The following MIPEP variants were observed in gnomAD, a reference collection of about 807,000 sequenced individuals.
The protein encoded by MIPEP is mitochondrial intermediate peptidase.
In MIPEP, 79 loss-of-function variants were observed where a neutral mutation model predicts 90.3. The ratio of observed to expected loss-of-function variants is 0.87; its 90% CI spans 0.73 to 1.05. The LOEUF is 1.05. Ranked by LOEUF, MIPEP falls within the 50% of genes least tolerant of loss-of-function variation. The pLI, the probability that MIPEP is intolerant of heterozygous loss-of-function variation, is 0.00. For missense variants in MIPEP, 940 were observed against 905.6 expected (o/e 1.04, Z -0.49); for synonymous variants, 334 against 315.8 (o/e 1.06, Z -0.61).
At chr13:23,769,754 G>A (rs1325095026) in intron 16 of MIPEP, among the ~76,000 whole-genome samples, 7 of 152,174 alleles carry the variant, frequency 4.6e-5, no homozygotes, top group Admixed American at 4.6e-4. Flanking sequence ...GTCACATACG[G>A]CTGCTATGGT....
intron 12 of MIPEP, among the ~76,000 whole-genome samples, 182 bp downstream of exon 12, chr13:23,839,467 G>A (rs919233870): frequency 3.9e-5 from 6 of 152,114 alleles, no homozygotes; most frequent in African/African-American, 9.7e-5. Flanking sequence ...ATAGACTGAT[G>A]TAATTATTTC....
At chr13:23,806,618 C>A (rs1304285431) in intron 15 of MIPEP, among the ~76,000 whole-genome samples, 3 of 151,764 alleles carry the variant, frequency 2.0e-5, no homozygotes, top group African/African-American at 7.3e-5. Flanking sequence ...GCGGAGCTCG[C>A]AGTGAGCCGA....
intron 8 of MIPEP, among the ~76,000 whole-genome samples, chr13:23,863,787 T>C (rs1292713705): frequency 6.6e-6 from 1 of 152,336 alleles, no homozygotes; most frequent in East Asian, 1.9e-4. Flanking sequence ...ATGAGCCTCC[T>C]GTATTTAGGC....
intron 10 of MIPEP, among the ~76,000 whole-genome samples, chr13:23,853,601 C>A (rs2137485795): frequency 6.6e-6 from 1 of 151,600 alleles, no homozygotes; most frequent in Admixed American, 6.6e-5. Context: ...CACTCTGTTG[C>A]CCAAACTGGA....
chr13:23,850,550 C>T (rs1295576819), intron 10 of MIPEP, among the ~76,000 whole-genome samples: 1 of 152,210 alleles, frequency 6.6e-6, no homozygotes, highest in Non-Finnish European at 1.5e-5. Context: ...ACACAGTTCA[C>T]TGAAAACTGT....
chr13:23,773,816 T>C (rs943448232), intron 16 of MIPEP, among the ~76,000 whole-genome samples: 5 of 152,242 alleles, frequency 3.3e-5, no homozygotes, highest in Admixed American at 6.5e-5. Flanking sequence ...TTTCTAAAGA[T>C]TAAACTCTGA....
intron 16 of MIPEP, among the ~76,000 whole-genome samples, chr13:23,805,223 A>G (rs534201826): frequency 2.6e-5 from 4 of 152,174 alleles, no homozygotes; most frequent in African/African-American, 9.6e-5. Context: ...CAAGAATCAC[A>G]CTGTTAATTG....
intron 11 of MIPEP, 128 bp from the exon 12 acceptor site, chr13:23,839,854 C>A (rs1869220457): frequency 1.7e-6 from 1 of 572,660 alleles, no homozygotes; most frequent in East Asian, 2.9e-5. Context: ...TTCTACACCC[C>A]ACATTATCTC....
intron 16 of MIPEP, among the ~76,000 whole-genome samples, chr13:23,783,193 T>G (rs975830659): frequency 3.4e-4 from 52 of 152,150 alleles, no homozygotes; most frequent in Non-Finnish European, 2.1e-4. Flanking sequence ...TGAACATCAG[T>G]GCAAAAATCC....
At chr13:23,785,990 G>A (rs1952835378) in intron 16 of MIPEP, among the ~76,000 whole-genome samples, 2 of 152,150 alleles carry the variant, frequency 1.3e-5, no homozygotes, top group Non-Finnish European at 2.9e-5. Flanking sequence ...AGGCTAAGGC[G>A]AAAGGACCCT....
chr13:23,773,579 C>T (rs915578153), intron 16 of MIPEP, among the ~76,000 whole-genome samples: 1 of 152,154 alleles, frequency 6.6e-6, no homozygotes, highest in African/African-American at 2.4e-5. Flanking sequence ...ACATTCTCAC[C>T]AGCAACGTAT....
intron 15 of MIPEP, among the ~76,000 whole-genome samples, chr13:23,809,094 G>T (rs1245489577): frequency 6.6e-6 from 1 of 152,182 alleles, no homozygotes; most frequent in Non-Finnish European, 1.5e-5. Context: ...CTGGCATCCA[G>T]ATGGTTCATG....
intron 18 of MIPEP, among the ~76,000 whole-genome samples, chr13:23,756,006 A>T (rs1952487680): frequency 6.6e-6 from 1 of 152,348 alleles, no homozygotes; most frequent in East Asian, 1.9e-4. Context: ...TTTCTATTAG[A>T]GTATAAGTAA....
At chr13:23,879,553 TCTCA>T (rs1166536099) in intron 3 of MIPEP, among the ~76,000 whole-genome samples, 199 bp from the exon 4 acceptor site, 1 of 151,736 alleles carries the variant, frequency 6.6e-6, no homozygotes, top group Non-Finnish European at 1.5e-5. Context: ...GGAGACAGGG[TCTCA>T]CTCTGTCACC....
intron 10 of MIPEP, among the ~76,000 whole-genome samples, chr13:23,846,193 T>G (rs1009739781): frequency 6.6e-6 from 1 of 152,222 alleles, no homozygotes; most frequent in East Asian, 1.9e-4. Context: ...ATATTGATGC[T>G]CTTTTTCTTA....
At chr13:23,759,406 G>A (rs1189387745) in intron 17 of MIPEP, among the ~76,000 whole-genome samples, 1 of 77,476 alleles carries the variant, frequency 1.3e-5, no homozygotes, top group African/African-American at 5.3e-5. Flanking sequence ...AGGATCCCCC[G>A]CAACCCCTCA....
chr13:23,739,688 T>G (rs1423253030), intron 18 of MIPEP, among the ~76,000 whole-genome samples: 1 of 152,210 alleles, frequency 6.6e-6, no homozygotes, highest in African/African-American at 2.4e-5. Flanking sequence ...CCATCATTAG[T>G]GTTCTGAGAT....
chr13:23,839,541 T>C (rs887953390), intron 12 of MIPEP, 108 bp downstream of exon 12: 2 of 598,084 alleles, frequency 3.3e-6, no homozygotes, highest in African/African-American at 1.9e-5. Context: ...TAACCATCAT[T>C]AGTAACTTTT....
chr13:23,755,941 G>A (rs1464102726), intron 18 of MIPEP, among the ~76,000 whole-genome samples: 1 of 151,738 alleles, frequency 6.6e-6, no homozygotes, highest in Non-Finnish European at 1.5e-5. Context: ...AAAACACTGT[G>A]ACCTGTTAAA....
Sources: gnomAD v4.1 joint callset for allele counts (sites outside exome capture counted in the v4.1 genomes callset) on GRCh38, gnomAD v4.1.1 for gene constraint, MANE v1.5 for transcripts, NCBI Gene and HGNC (gene_info 2026-07-23, HGNC 2026-07-21) for gene names.